Variants in PTPRD observed in about 807,000 individuals in gnomAD.
The protein encoded by PTPRD is protein tyrosine phosphatase receptor type D, also known as receptor-type tyrosine-protein phosphatase delta.
In PTPRD, 34 loss-of-function variants were observed where a neutral mutation model predicts 214.5. That is an observed-to-expected ratio of 0.16 (90% CI 0.12 to 0.21). The LOEUF (loss-of-function observed/expected upper bound fraction) is 0.21, where lower values mean the gene tolerates loss of function less well. Ranked by LOEUF, PTPRD falls within the 10% of genes least tolerant of loss-of-function variation. The pLI, the probability that PTPRD is intolerant of heterozygous loss-of-function variation, is 1.00. For synonymous variants in PTPRD, 1,128 were observed against 845.7 expected, an observed-to-expected ratio of 1.33 and a Z score of -5.79; for missense variants, 2,545 against 2,398.7, an observed-to-expected ratio of 1.06 and a Z score of -1.27.
At chr9:10,181,139 T>A (rs557282683) in intron 3 of PTPRD, among the ~76,000 whole-genome samples, 2 of 152,188 alleles carry the variant, frequency 1.3e-5, no homozygotes, top group South Asian at 4.1e-4. Flanking sequence ...TAATGAATGA[T>A]TATGATTTTT....
At chr9:9,298,568 A>G (rs772162807) in intron 9 of PTPRD, among the ~76,000 whole-genome samples, 2 of 151,764 alleles carry the variant, frequency 1.3e-5, no homozygotes, top group Admixed American at 6.6e-5. Context: ...GGAAGGTTGC[A>G]GAGGGAACTT....
At chr9:8,695,256 A>T (rs1015231707) in intron 12 of PTPRD, among the ~76,000 whole-genome samples, 5 of 152,104 alleles carry the variant, frequency 3.3e-5, no homozygotes, top group African/African-American at 1.2e-4. Context: ...AAAACTCCCC[A>T]GTGTATTTGC....
intron 3 of PTPRD, among the ~76,000 whole-genome samples, chr9:10,068,739 C>A (rs1030289905): frequency 3.3e-5 from 5 of 151,806 alleles, no homozygotes; most frequent in African/African-American, 1.2e-4. Flanking sequence ...CAAGTTGGAG[C>A]AGGTGGAAGG....
chr9:8,792,286 G>C (rs1205335360), intron 11 of PTPRD, among the ~76,000 whole-genome samples: 2 of 152,130 alleles, frequency 1.3e-5, no homozygotes, highest in South Asian at 2.1e-4. Context: ...TCCACAAATT[G>C]GATGCCACAA....
intron 8 of PTPRD, chr9:9,414,834 G>A (rs12346216): frequency 0.07 from 10,629 of 152,200 alleles, 527 homozygotes; most frequent in Non-Finnish European, 0.11. Flanking sequence ...CTATGGAGTT[G>A]AATGGAAAGA....
chr9:10,082,313 A>T (rs1447874773), intron 3 of PTPRD, among the ~76,000 whole-genome samples: 1 of 152,146 alleles, frequency 6.6e-6, no homozygotes, highest in Non-Finnish European at 1.5e-5. Flanking sequence ...GAATTGACAC[A>T]TTTGACCTGT....
chr9:9,991,446 C>A (rs1369001480), intron 4 of PTPRD, among the ~76,000 whole-genome samples: 2 of 151,688 alleles, frequency 1.3e-5, no homozygotes, highest in African/African-American at 4.8e-5. Flanking sequence ...ACTGCAACCA[C>A]CGCCTCCCAG....
chr9:9,604,912 T>C (rs967509626), intron 7 of PTPRD, among the ~76,000 whole-genome samples: 4 of 152,044 alleles, frequency 2.6e-5, no homozygotes, highest in Non-Finnish European at 5.9e-5. Context: ...ACCACTTTCT[T>C]AAAAACTTTA....
chr9:8,593,955 T>C (rs1229099800), intron 14 of PTPRD, among the ~76,000 whole-genome samples: 1 of 152,212 alleles, frequency 6.6e-6, no homozygotes, highest in East Asian at 1.9e-4. Context: ...AGGATACATA[T>C]ATATGCATAT....
chr9:10,398,246 C>T (rs1998507), intron 2 of PTPRD, among the ~76,000 whole-genome samples: 131,097 of 151,296 alleles, frequency 0.87, 56,820 homozygotes, highest in African/African-American at 0.9. Context: ...CCAGGCATGG[C>T]GGTATATGCC....
intron 11 of PTPRD, among the ~76,000 whole-genome samples, chr9:8,792,610 GC>G (rs1219080597): frequency 6.6e-6 from 1 of 152,152 alleles, no homozygotes; most frequent in Non-Finnish European, 1.5e-5. Flanking sequence ...GAGAAGAGGG[GC>G]TTGTCATAGC....
At chr9:9,759,844 A>G (rs1378355958) in intron 6 of PTPRD, among the ~76,000 whole-genome samples, 1 of 152,062 alleles carries the variant, frequency 6.6e-6, no homozygotes, top group Non-Finnish European at 1.5e-5. Context: ...GGCATGGGCC[A>G]CTGTGCCCGG....
At position 10,213,873 on chromosome 9, in the gene PTPRD, A is replaced by G. The variant is rs534010885; in HGVS notation, c.-545+127090T>C. On this transcript the variant is annotated intron_variant, in intron 3 of 45. Transcript: ENST00000381196. ...TTTATAATTTATGAAATACTTACTGAGATTATACAAGCTTCAGAACCTGTT... is the reference window on the plus strand; with the variant it reads ...TTTATAATTTATGAAATACTTACTGGGATTATACAAGCTTCAGAACCTGTT... 2.4e-3 allele frequency among the ~76,000 whole-genome samples: 364 copies of G among 152,154 alleles called. 5 individuals carry two copies. The highest frequency in any genetic ancestry group is 8.5e-3 in the African/African-American group (353 of 41,536).
At chr9:9,250,487 T>C (rs1422712364) in intron 9 of PTPRD, among the ~76,000 whole-genome samples, 1 of 152,124 alleles carries the variant, frequency 6.6e-6, no homozygotes, top group East Asian at 1.9e-4. Context: ...TCATGTTTCT[T>C]AGCTCTTTAG....
At chr9:9,182,396 A>C (rs1412696144) in intron 10 of PTPRD, among the ~76,000 whole-genome samples, 1 of 152,064 alleles carries the variant, frequency 6.6e-6, no homozygotes, top group East Asian at 1.9e-4. Flanking sequence ...TGAGCATGCT[A>C]ACGAACTTTT....
At chr9:10,433,051 G>T (rs897225166) in intron 2 of PTPRD, among the ~76,000 whole-genome samples, 1 of 151,592 alleles carries the variant, frequency 6.6e-6, no homozygotes, top group Non-Finnish European at 1.5e-5. Flanking sequence ...TAAGATCATG[G>T]TATTAAGTAT....
chr9:9,138,537 C>A (rs1313404953), intron 10 of PTPRD, among the ~76,000 whole-genome samples: 1 of 151,024 alleles, frequency 6.6e-6, no homozygotes, highest in Non-Finnish European at 1.5e-5. Context: ...GACCATTTAC[C>A]CATTTCTTTC....
chr9:9,439,904 G>T (rs1293867792), intron 8 of PTPRD, among the ~76,000 whole-genome samples: 1 of 152,180 alleles, frequency 6.6e-6, no homozygotes, highest in Non-Finnish European at 1.5e-5. Flanking sequence ...GTGTCTTGCA[G>T]CTGGGAAGTG....
At chr9:9,508,926 CCA>C (rs2096633752) in intron 8 of PTPRD, among the ~76,000 whole-genome samples, 1 of 151,456 alleles carries the variant, frequency 6.6e-6, no homozygotes, top group Non-Finnish European at 1.5e-5. Context: ...CTTGCATTTA[CCA>C]TATATATATT....
Sources: gnomAD v4.1 joint callset for allele counts (sites outside exome capture counted in the v4.1 genomes callset) on GRCh38, gnomAD v4.1.1 for gene constraint, MANE v1.5 for transcripts, NCBI Gene and HGNC (gene_info 2026-07-23, HGNC 2026-07-21) for gene names.